Variants in SGCZ observed in about 807,000 individuals in gnomAD.
SGCZ encodes zeta-sarcoglycan.
In SGCZ, 40 loss-of-function variants were observed where a neutral mutation model predicts 41.3. The observed-to-expected ratio is 0.97, with a 90% CI of 0.75 to 1.26. The LOEUF is 1.26. Among genes scored for constraint, SGCZ ranks in the 50% most tolerant of loss-of-function variants. SGCZ has a pLI of 0.00. For synonymous variants in SGCZ, 206 were observed against 137.5 expected (o/e 1.50, Z -3.49); for missense variants, 552 against 369.8 (o/e 1.49, Z -4.04).
chr8:15,174,154 C>G (rs891604041), intron 1 of SGCZ, among the ~76,000 whole-genome samples: 4 of 152,182 alleles, frequency 2.6e-5, no homozygotes, highest in African/African-American at 9.7e-5. Context: ...CCTTCACAGT[C>G]ACAAGTGAGT....
At chr8:15,132,634 T>C (rs1403480594) in intron 1 of SGCZ, among the ~76,000 whole-genome samples, 8 of 152,178 alleles carry the variant, frequency 5.3e-5, no homozygotes, top group Non-Finnish European at 8.8e-5. Flanking sequence ...ACTTTCTCCA[T>C]AGACTCTAAA....
chr8:15,099,927 A>C (rs1019218333), intron 1 of SGCZ, among the ~76,000 whole-genome samples: 3 of 145,160 alleles, frequency 2.1e-5, no homozygotes, highest in African/African-American at 7.6e-5. Flanking sequence ...AACTCTCAGC[A>C]AAATTAGGAA....
rs556788765 is a variant in SGCZ at position 14,377,776 on chromosome 8, G to A, written c.235-53572C>T. Among the ~76,000 whole-genome samples, 413 of 151,300 alleles carry A rather than the reference G, an allele frequency of 2.7e-3. 3 individuals are homozygous for A. The highest frequency in any genetic ancestry group is 8.6e-3 in the African/African-American group (354 of 41,086). Reference sequence around the variant, plus strand: ...TTCCCACCTATGAGTGAGAATATGCGGTGTTTGGTTTTTTGTTCTTGCGAT... The same window carrying A: ...TTCCCACCTATGAGTGAGAATATGCAGTGTTTGGTTTTTTGTTCTTGCGAT... On this transcript the variant is annotated intron_variant, in intron 2 of 7. Transcript: ENST00000382080.
At chr8:14,578,909 G>C (rs1052516675) in intron 1 of SGCZ, among the ~76,000 whole-genome samples, 1 of 152,078 alleles carries the variant, frequency 6.6e-6, no homozygotes, top group East Asian at 1.9e-4. Flanking sequence ...CTATGTTTTT[G>C]TATGGATCAC....
intron 1 of SGCZ, among the ~76,000 whole-genome samples, chr8:15,099,188 T>C (rs1404991642): frequency 6.6e-6 from 1 of 152,208 alleles, no homozygotes; most frequent in Non-Finnish European, 1.5e-5. Context: ...AGAGAGGAAT[T>C]AATCGTGTAG....
At chr8:14,699,523 A>T (rs1482684148) in intron 1 of SGCZ, among the ~76,000 whole-genome samples, 1 of 151,934 alleles carries the variant, frequency 6.6e-6, no homozygotes. Flanking sequence ...TATAGAAGAA[A>T]TTCTAGAAAA....
intron 1 of SGCZ, among the ~76,000 whole-genome samples, chr8:15,194,156 C>A (rs532453553): frequency 4.0e-5 from 6 of 150,700 alleles, no homozygotes; most frequent in African/African-American, 1.2e-4. Flanking sequence ...GGCTACTCAC[C>A]TGAAATAGTC....
intron 1 of SGCZ, among the ~76,000 whole-genome samples, chr8:14,757,429 T>A (rs1166597144): frequency 6.6e-6 from 1 of 152,204 alleles, no homozygotes; most frequent in African/African-American, 2.4e-5. Context: ...TGCCCAGCTG[T>A]CTGAAGCAGG....
At chr8:14,586,251 T>A (rs769145572) in intron 1 of SGCZ, among the ~76,000 whole-genome samples, 1 of 152,174 alleles carries the variant, frequency 6.6e-6, no homozygotes, top group African/African-American at 2.4e-5. Flanking sequence ...TCTCACTCTG[T>A]CACCCAGGCT....
intron 2 of SGCZ, among the ~76,000 whole-genome samples, chr8:14,514,829 A>ACT (rs1802573575): frequency 6.8e-6 from 1 of 147,476 alleles, no homozygotes; most frequent in Admixed American, 6.8e-5. Context: ...ATACACGCAC[A>ACT]CACACACACA....
At chr8:14,281,717 A>G (rs1427006) in intron 3 of SGCZ, among the ~76,000 whole-genome samples, 141,865 of 152,034 alleles carry the variant, frequency 0.93, 66,902 homozygotes, top group East Asian at 1. Context: ...TGAGAGAACA[A>G]CAAGGAATAT....
At position 14,825,619 on chromosome 8, in the gene SGCZ, T is replaced by C. The variant is rs533848994; in HGVS notation, c.40-270693A>G. On this transcript the variant is annotated intron_variant, in intron 1 of 7. Coordinates refer to ENST00000382080, the MANE Select transcript of SGCZ (RefSeq NM_139167.4). The stretch of plus-strand genomic sequence containing the variant: ...ACCACAGTCAAATTAATTAACTCAT[T>C]CATCCCCACATAAGCTTTATCTTAG... Among the ~76,000 whole-genome samples, 39 of 152,318 alleles carry C rather than the reference T, an allele frequency of 2.6e-4. No homozygotes were observed. In the South Asian group the frequency reaches 8.1e-3, roughly 32 times the overall value.
At chr8:15,067,366 C>G (rs1259916751) in intron 1 of SGCZ, among the ~76,000 whole-genome samples, 1 of 152,106 alleles carries the variant, frequency 6.6e-6, no homozygotes, top group Non-Finnish European at 1.5e-5. Flanking sequence ...TGTTTTAGAA[C>G]TAGAAGAAAT....
chr8:14,715,061 C>T (rs1809644246), intron 1 of SGCZ, among the ~76,000 whole-genome samples: 1 of 152,014 alleles, frequency 6.6e-6, no homozygotes, highest in African/African-American at 2.4e-5. Flanking sequence ...AATATATATT[C>T]TTCAGTCAGT....
At chr8:14,576,560 T>C (rs1391530408) in intron 1 of SGCZ, among the ~76,000 whole-genome samples, 2 of 152,222 alleles carry the variant, frequency 1.3e-5, no homozygotes, top group African/African-American at 2.4e-5. Flanking sequence ...ATTTTTAGAA[T>C]TGATTTTATA....
At chr8:14,478,020 C>A (rs865882267) in intron 2 of SGCZ, among the ~76,000 whole-genome samples, 1 of 152,182 alleles carries the variant, frequency 6.6e-6, no homozygotes, top group Non-Finnish European at 1.5e-5. Flanking sequence ...GAAGAAGGAA[C>A]CTGATGAATA....
chr8:14,821,527 G>A (rs1802084448), intron 1 of SGCZ, among the ~76,000 whole-genome samples: 1 of 151,756 alleles, frequency 6.6e-6, no homozygotes, highest in Non-Finnish European at 1.5e-5. Context: ...ATATAATATA[G>A]GCTAATATCC....
rs570992894 is a variant in SGCZ, at chr8:14,103,890, C to G, written c.621-1391G>C. Among the ~76,000 whole-genome samples the G allele has an allele frequency of 3.3e-5, 5 of 152,270 alleles. No individual in the cohort carries two copies. In the East Asian group the frequency reaches 9.7e-4, roughly 29 times the overall value. The stretch of plus-strand genomic sequence containing the variant: ...ACTATTAGCATTTTACGCACAGTAT[C>G]TAAATGTCAAAATTTGAATGTTAAA... On this transcript the variant is annotated intron_variant, in intron 6 of 7. Coordinates refer to ENST00000382080, the MANE Select transcript of SGCZ (RefSeq NM_139167.4).
intron 2 of SGCZ, among the ~76,000 whole-genome samples, chr8:14,538,031 C>T (rs1373208276): frequency 6.6e-6 from 1 of 151,876 alleles, no homozygotes; most frequent in Non-Finnish European, 1.5e-5. Context: ...ATGAATACCA[C>T]TAACGTTAAT....
Sources: allele counts gnomAD v4.1 joint callset (sites outside exome capture counted in the v4.1 genomes callset), GRCh38; gene constraint gnomAD v4.1.1; transcripts MANE v1.5; gene names NCBI Gene and HGNC (gene_info 2026-07-23, HGNC 2026-07-21).